The following PDE2A variants were observed in gnomAD, a reference collection of about 807,000 sequenced individuals.
PDE2A encodes cGMP-dependent 3',5'-cyclic phosphodiesterase.
A neutral mutation model predicts 133.6 loss-of-function variants in PDE2A; 53 were observed. The ratio of observed to expected loss-of-function variants is 0.40; its 90% CI spans 0.32 to 0.50. PDE2A has a LOEUF of 0.50. Ranked by LOEUF, PDE2A falls within the 20% of genes least tolerant of loss-of-function variation. The pLI is 0.73. For synonymous variants in PDE2A, 491 were observed against 490.2 expected (o/e 1.00, Z -0.02); for missense variants, 796 against 1,232.4 (o/e 0.65, Z 5.30).
intron 2 of PDE2A, among the ~76,000 whole-genome samples, chr11:72,613,959 C>A (rs1317354362): frequency 6.6e-6 from 1 of 152,244 alleles, no homozygotes. Context: ...AGCACAGCCG[C>A]CCAGTCAGGG....
At chr11:72,654,381 G>A (rs1410012218) in intron 1 of PDE2A, among the ~76,000 whole-genome samples, 1 of 152,158 alleles carries the variant, frequency 6.6e-6, no homozygotes, top group African/African-American at 2.4e-5. Context: ...CAGCCAGCAG[G>A]TGCCTGAACT....
At chr11:72,577,742 G>A in intron 30 of PDE2A, 148 bp from the exon 31 acceptor site, 2 of 632,206 alleles carry the variant, frequency 3.2e-6, no homozygotes, top group Non-Finnish European at 5.6e-6. Flanking sequence ...AGATGCCGAG[G>A]TGTGTGGATC....
In PDE2A at chr11:72,589,026, G is replaced by A. The variant is rs140914080; in HGVS notation, c.940-112C>T. The A allele has an allele frequency of 8.3e-5, 107 of 1,287,590 alleles. No individual in the cohort carries two copies. In the African/African-American group the frequency reaches 1.3e-3, roughly 16 times the overall value. 79.8% of individuals were successfully genotyped at this position (1,287,590 alleles called of 1,614,324 possible). A position where few individuals can be genotyped will look rare whatever the true frequency, so the allele number is the denominator to read the frequency against. ...GTTCTAAGGGACTCATGCAAGGCTG[G>A]AAGCTCTGTGTCATGGAGATGGGAC... On this transcript the variant is annotated intron_variant, in intron 12 of 30. Transcript: ENST00000334456.
chr11:72,632,593 G>T (rs533642746), intron 2 of PDE2A, among the ~76,000 whole-genome samples: 1 of 152,158 alleles, frequency 6.6e-6, no homozygotes, highest in Non-Finnish European at 1.5e-5. Flanking sequence ...AGTCATGTCC[G>T]GCAGAGGAAA....
chr11:72,650,909 A>G lies in PDE2A; in HGVS notation c.72-8583T>C, dbSNP rs1031443458. Among the ~76,000 whole-genome samples, 40 of 151,652 alleles carry G rather than the reference A, an allele frequency of 2.6e-4. 1 individual carries two copies. The highest frequency in any genetic ancestry group is 9.0e-4 in the African/African-American group (37 of 41,326). On this transcript the variant is annotated intron_variant, in intron 1 of 30. Transcript: ENST00000334456. Reference sequence around the variant, plus strand: ...CACACACACACACACACACACACACACACACACACACACACACATACACAA... The same window carrying G: ...CACACACACACACACACACACACACGCACACACACACACACACATACACAA...
intron 16 of PDE2A, 51 bp from the exon 17 acceptor site, chr11:72,584,995 G>T (rs907850): frequency 0.48 from 744,392 of 1,556,184 alleles, 185,657 homozygotes; most frequent in Non-Finnish European, 0.52. Context: ...CCCTCTGATC[G>T]CCCTCACGTC....
chr11:72,594,548 T>C (rs1856387007), intron 6 of PDE2A, among the ~76,000 whole-genome samples: 1 of 152,108 alleles, frequency 6.6e-6, no homozygotes, highest in East Asian at 1.9e-4. Context: ...CAAGAGTTCT[T>C]CCCTGCCCAG....
chr11:72,650,634 C>T (rs185432353), intron 1 of PDE2A, among the ~76,000 whole-genome samples: 28 of 152,276 alleles, frequency 1.8e-4, no homozygotes, highest in African/African-American at 6.5e-4. Flanking sequence ...GCTGCTCTGA[C>T]TCCAGCCCTA....
intron 24 of PDE2A, 117 bp downstream of exon 24, chr11:72,580,769 C>T (rs1855689520): frequency 2.1e-6 from 2 of 957,476 alleles, no homozygotes; most frequent in Non-Finnish European, 3.3e-6. Context: ...GAACCTCCTC[C>T]TGTGTCTAAA....
At chr11:72,665,032 C>G (rs1432537090) in intron 1 of PDE2A, among the ~76,000 whole-genome samples, 1 of 151,434 alleles carries the variant, frequency 6.6e-6, no homozygotes, top group Non-Finnish European at 1.5e-5. Flanking sequence ...TCTTGAACTC[C>G]CAACCTCAGG....
At chr11:72,663,865 TTCTTCGGTTTCCCA>T (rs1855151144) in intron 1 of PDE2A, among the ~76,000 whole-genome samples, 1 of 152,212 alleles carries the variant, frequency 6.6e-6, no homozygotes, top group South Asian at 2.1e-4. Context: ...GCCCTCTCTG[TTCTTCGGTTTCCCA>T]TCATCTCTTT....
At position 72,580,634 on chromosome 11, in the gene PDE2A, C is replaced by T; in HGVS notation, c.2134-10G>A. On this transcript the variant is annotated splice_polypyrimidine_tract_variant and intron_variant, in intron 24 of 30. Coordinates refer to ENST00000334456, the MANE Select transcript of PDE2A (RefSeq NM_002599.5). ...CAGCCAGCACAGATTTCTGGAAAAG[C>T]CCAGGAAAACTGTGGTCACTCCTCA... The T allele has an allele frequency of 6.4e-7, 1 of 1,560,478 alleles. No homozygotes were observed. Among genetic ancestry groups the T allele is most frequent in the Non-Finnish European group, 8.7e-7 (1 of 1,150,012 alleles).
In PDE2A at chr11:72,590,568, G is replaced by A; in HGVS notation, c.562C>T (p.Leu188=). 5.8e-6 allele frequency: 8 copies of A among 1,383,752 alleles called. No homozygotes were observed. The highest frequency in any genetic ancestry group is 7.4e-6 in the Non-Finnish European group (8 of 1,074,302). The allele number at this position is 1,383,752 out of a possible 1,614,324, so 85.7% of individuals were successfully genotyped here. A position where few individuals can be genotyped will look rare whatever the true frequency, so the allele number is the denominator to read the frequency against. ...TGCTGCAGGACCTGCACCCTCCGCA[G>A]GGCGACCAGGGTCTGGGGCAGGCCG... ...QAVEKHTLVA[L]RRVQVLQQRG... Residue 188 remains leucine, a synonymous_variant, in exon 8 of 31, where the codon CTG becomes TTG. Coordinates refer to ENST00000334456, the MANE Select transcript of PDE2A (RefSeq NM_002599.5). This position sits in a 1 kb window ranked among gnomAD's most constrained non-coding sequence, Gnocchi z 4.8.
In PDE2A at chr11:72,580,796, A is replaced by C. The variant is rs1370241318; in HGVS notation, c.2133+90T>G. The C allele has an allele frequency of 8.0e-6, 8 of 998,942 alleles. No homozygotes were observed. In the Admixed American group the frequency reaches 1.4e-4, roughly 18 times the overall value. 61.9% of individuals were successfully genotyped at this position (998,942 alleles called of 1,614,324 possible). A position where few individuals can be genotyped will look rare whatever the true frequency, so the allele number is the denominator to read the frequency against. The stretch of plus-strand genomic sequence containing the variant: ...GTGTCTAAACCTGGCTCCTGGTCTC[A>C]CTCGCTCCCACCCATCTTCAGGCTG... On this transcript the variant is annotated intron_variant, in intron 24 of 30. Transcript: ENST00000334456.
intron 6 of PDE2A, among the ~76,000 whole-genome samples, chr11:72,595,318 C>T (rs1264495256): frequency 6.6e-6 from 1 of 152,182 alleles, no homozygotes; most frequent in Admixed American, 6.5e-5. Context: ...ACCTCAGTGC[C>T]CCTCAAAGCT....
At chr11:72,629,301 T>C (rs974285209) in intron 2 of PDE2A, among the ~76,000 whole-genome samples, 11 of 152,204 alleles carry the variant, frequency 7.2e-5, no homozygotes, top group Non-Finnish European at 1.5e-4. Flanking sequence ...CCCAGAGGCA[T>C]AGCAGGGTGC....
intron 25 of PDE2A, 105 bp from the exon 26 acceptor site, chr11:72,579,713 C>A (rs10898855): frequency 0.13 from 98,864 of 755,004 alleles, 11,098 homozygotes; most frequent in East Asian, 0.47. Context: ...GCCCCCAGGT[C>A]AGCAGAGCAG....
intron 6 of PDE2A, among the ~76,000 whole-genome samples, chr11:72,595,423 G>T (rs750520789): frequency 3.0e-4 from 46 of 151,898 alleles, no homozygotes; most frequent in East Asian, 5.9e-4. Flanking sequence ...AACCGGGGGT[G>T]GGGGGAGCAG....
intron 2 of PDE2A, among the ~76,000 whole-genome samples, chr11:72,628,788 C>T (rs1858218708): frequency 6.6e-6 from 1 of 152,234 alleles, no homozygotes; most frequent in Non-Finnish European, 1.5e-5. Flanking sequence ...GCCATCTTGG[C>T]TTCCCAGATC....
Sources: allele counts gnomAD v4.1 joint callset (sites outside exome capture counted in the v4.1 genomes callset), GRCh38; gene constraint gnomAD v4.1.1; non-coding constraint Gnocchi (gnomAD v3.1); transcripts MANE v1.5; gene names NCBI Gene and HGNC (gene_info 2026-07-23, HGNC 2026-07-21).